ZDHHC21: variants seen among roughly 807,000 people sequenced by gnomAD.
ZDHHC21 encodes palmitoyltransferase ZDHHC21.
ZDHHC21 carries 15 observed loss-of-function variants against 34.6 expected under a neutral mutation model. That is an observed-to-expected ratio of 0.43 (90% CI 0.29 to 0.67). The LOEUF (loss-of-function observed/expected upper bound fraction) is 0.67. Among genes scored for constraint, ZDHHC21 ranks in the 30% least tolerant of loss-of-function variants. ZDHHC21 has a pLI of 0.14. For synonymous variants in ZDHHC21, 142 were observed against 101.8 expected (o/e 1.40, Z -2.38); for missense variants, 344 against 327.7 (o/e 1.05, Z -0.38).
At chr9:14,688,923 A>G (rs1341133232) in intron 2 of ZDHHC21, among the ~76,000 whole-genome samples, 3 of 152,260 alleles carry the variant, frequency 2.0e-5, no homozygotes, top group African/African-American at 7.2e-5. Context: ...ACATGCCTGT[A>G]GTCCCAGCTT....
chr9:14,681,993 G>C (rs1056646461), intron 2 of ZDHHC21, among the ~76,000 whole-genome samples: 15 of 152,128 alleles, frequency 9.9e-5, no homozygotes, highest in South Asian at 2.1e-4. Context: ...CAAATGCTGA[G>C]AGATTTGGTC....
chr9:14,606,519 T>C (rs964320405), downstream of ZDHHC21, among the ~76,000 whole-genome samples: 2 of 152,136 alleles, frequency 1.3e-5, no homozygotes, highest in South Asian at 4.1e-4. Flanking sequence ...CATAGAATCT[T>C]CCAGGATCTT....
intron 5 of ZDHHC21, among the ~76,000 whole-genome samples, chr9:14,666,665 C>G (rs1353043031): frequency 9.4e-6 from 1 of 105,976 alleles, no homozygotes; most frequent in Non-Finnish European, 2.1e-5. Context: ...GACCACAGTG[C>G]AATCAAACTA....
At chr9:14,658,620 C>T (rs908028765) in intron 7 of ZDHHC21, 129 bp downstream of exon 7, 22 of 652,090 alleles carry the variant, frequency 3.4e-5, no homozygotes, top group Non-Finnish European at 4.6e-5. Context: ...TACAGGCGCC[C>T]GCCACCTCGC....
intron 7 of ZDHHC21, among the ~76,000 whole-genome samples, chr9:14,641,143 T>C (rs569784312): frequency 6.6e-6 from 1 of 152,264 alleles, no homozygotes; most frequent in Admixed American, 6.5e-5. Context: ...ATAGTATGCT[T>C]GCTTGAAACA....
At chr9:14,590,298 AG>A in the ZDHHC21 span, among the ~76,000 whole-genome samples, 1 of 152,156 alleles carries the variant, frequency 6.6e-6, no homozygotes, top group Non-Finnish European at 1.5e-5. Context: ...TTAGTAAGCT[AG>A]GTGACAATAC....
chr9:14,661,589 CGCA>C (rs1833405025), intron 6 of ZDHHC21, among the ~76,000 whole-genome samples: 1 of 152,134 alleles, frequency 6.6e-6, no homozygotes, highest in South Asian at 2.1e-4. Context: ...ACAGAATTCA[CGCA>C]GCATTTGTTT....
At chr9:14,594,593 C>T in the ZDHHC21 span, among the ~76,000 whole-genome samples, 4 of 152,034 alleles carry the variant, frequency 2.6e-5, no homozygotes, top group African/African-American at 9.7e-5. Context: ...AATGTAAAAC[C>T]TAGAACTATG....
At chr9:14,653,822 T>C (rs189921411) in intron 7 of ZDHHC21, among the ~76,000 whole-genome samples, 11 of 152,174 alleles carry the variant, frequency 7.2e-5, no homozygotes, top group African/African-American at 2.6e-4. Context: ...CTATTGCCAT[T>C]GACACCTATG....
rs376786753 is a variant in ZDHHC21 at position 14,655,208 on chromosome 9, T to A, written c.504+3541A>T. On this transcript the variant is annotated intron_variant, in intron 7 of 9. Transcript: ENST00000380916. ...GAAACCATAAGACAATGGAATAACA[T>A]CTTTTAAAAACTGAACGAAAGTAAC... Among the ~76,000 whole-genome samples, 5 of 152,012 alleles carry A rather than the reference T, an allele frequency of 3.3e-5. No homozygotes were observed. In the East Asian group the frequency reaches 9.6e-4, roughly 29 times the overall value.
chr9:14,682,943 T>C (rs567950033), intron 2 of ZDHHC21, among the ~76,000 whole-genome samples: 14 of 152,188 alleles, frequency 9.2e-5, no homozygotes, highest in Admixed American at 2.6e-4. Context: ...GACTACTAGG[T>C]ACATAACGAA....
intron 7 of ZDHHC21, among the ~76,000 whole-genome samples, chr9:14,642,048 A>G (rs1271998568): frequency 6.6e-6 from 1 of 152,180 alleles, no homozygotes; most frequent in Non-Finnish European, 1.5e-5. Flanking sequence ...ATTTTAAAAT[A>G]ATTTTTGGCC....
chr9:14,591,495 T>A, the ZDHHC21 span, among the ~76,000 whole-genome samples: 1 of 152,028 alleles, frequency 6.6e-6, no homozygotes, highest in Non-Finnish European at 1.5e-5. Context: ...GTTCTTTATA[T>A]ATTCTCCAGT....
chr9:14,605,745 C>G, the ZDHHC21 span, among the ~76,000 whole-genome samples: 1 of 152,140 alleles, frequency 6.6e-6, no homozygotes, highest in South Asian at 2.1e-4. Context: ...GGTGTTATCT[C>G]CAAGAAGTCA....
chr9:14,658,761 T>C lies in ZDHHC21; in HGVS notation c.492A>G (p.Lys164=), dbSNP rs1325423933. 13 of 1,613,654 alleles carry C rather than the reference T, an allele frequency of 8.1e-6. No individual in the cohort carries two copies. Among genetic ancestry groups the C allele is most frequent in the Non-Finnish European group, 1.1e-5 (13 of 1,179,886 alleles). Residue 164 remains lysine, a synonymous_variant, in exon 7 of 10, where the codon AAA becomes AAG. Coordinates refer to ENST00000380916, the MANE Select transcript of ZDHHC21 (RefSeq NM_178566.6). ...FCHYYYFLPL[K]KRNLDLFVFR... is the part of the protein sequence containing the mutation. ...AAACATTTCTTACCAAATTACGCTTTTTTAGTGGAAGAAAATAGTAATAGT... is the reference window on the plus strand; with the variant it reads ...AAACATTTCTTACCAAATTACGCTTCTTTAGTGGAAGAAAATAGTAATAGT...
At chr9:14,631,423 C>T (rs546562648) in intron 8 of ZDHHC21, among the ~76,000 whole-genome samples, 4 of 152,270 alleles carry the variant, frequency 2.6e-5, no homozygotes, top group Admixed American at 6.5e-5. Flanking sequence ...CTTGTGTGAT[C>T]TTCTATCCAG....
the ZDHHC21 span, chr9:14,593,478 C>T: frequency 6.6e-6 from 1 of 152,180 alleles, no homozygotes; most frequent in East Asian, 1.9e-4. Flanking sequence ...AGATCTTCTC[C>T]ACCCTGTGCT....
chr9:14,662,369 G>C (rs778986363), intron 5 of ZDHHC21, 43 bp from the exon 6 acceptor site: 4 of 1,436,650 alleles, frequency 2.8e-6, no homozygotes, highest in African/African-American at 1.4e-5. Context: ...AGGCAAGTGG[G>C]TAATGCTGAA....
chr9:14,678,571 G>C (rs1437776279), intron 3 of ZDHHC21, among the ~76,000 whole-genome samples: 1 of 152,024 alleles, frequency 6.6e-6, no homozygotes, highest in South Asian at 2.1e-4. Flanking sequence ...ATACATTATT[G>C]GTGGGCATGT....
Sources: gnomAD v4.1 joint callset for allele counts (sites outside exome capture counted in the v4.1 genomes callset) on GRCh38, gnomAD v4.1.1 for gene constraint, MANE v1.5 for transcripts, NCBI Gene and HGNC (gene_info 2026-07-23, HGNC 2026-07-21) for gene names.